Variants in GRIP1 observed in about 807,000 individuals in gnomAD.
GRIP1 encodes the protein glutamate receptor-interacting protein 1.
A neutral mutation model predicts 129.9 loss-of-function variants in GRIP1; 45 were observed. That is an observed-to-expected ratio of 0.35 (90% confidence interval 0.27 to 0.44). GRIP1 has a LOEUF of 0.44. Among genes scored for constraint, GRIP1 ranks in the 20% least tolerant of loss-of-function variants. The pLI is 1.00. For synonymous variants in GRIP1, 530 were observed against 520.8 expected, an observed-to-expected ratio of 1.02 and a Z score of -0.24; for missense variants, 1,196 against 1,396.8, an observed-to-expected ratio of 0.86 and a Z score of 2.29.
At chr12:66,968,978 T>C (rs755500441) in intron 1 of GRIP1, among the ~76,000 whole-genome samples, 1 of 152,156 alleles carries the variant, frequency 6.6e-6, no homozygotes, top group Admixed American at 6.6e-5. Context: ...ATGTGAAGGA[T>C]AATTTTTATG....
intron 11 of GRIP1, among the ~76,000 whole-genome samples, chr12:66,454,806 G>C (rs988803478): frequency 6.6e-6 from 1 of 152,184 alleles, no homozygotes; most frequent in Non-Finnish European, 1.5e-5. Flanking sequence ...AGTAAGAAGT[G>C]TATGTTAGAT....
chr12:66,379,254 G>T, intron 20 of GRIP1, 26 bp downstream of exon 20: 1 of 1,609,452 alleles, frequency 6.2e-7, no homozygotes, highest in South Asian at 1.1e-5. Flanking sequence ...CATCTTGGAT[G>T]AGGCAGCATT....
rs1028467310 is a variant in GRIP1, at chr12:66,833,760, A to G, written c.58+235290T>C. On this transcript the variant is annotated intron_variant, in intron 1 of 1. Coordinates refer to the GRIP1 transcript ENST00000643019. ...AAACAAGTCACAACATTATTTATCT[A>G]TCTCTTACATTAAAAAAGAAAGTGT... Among the ~76,000 whole-genome samples the G allele has an allele frequency of 2.0e-5, 3 of 152,208 alleles. No homozygotes were observed. The East Asian group carries it at 5.8e-4, about 29-fold the overall frequency.
chr12:66,723,465 A>G (rs2036158569), intron 1 of GRIP1, among the ~76,000 whole-genome samples: 1 of 151,382 alleles, frequency 6.6e-6, no homozygotes, highest in Admixed American at 6.6e-5. Context: ...GGCGTGCGCC[A>G]CCATGCCCAA....
chr12:66,922,968 AT>A (rs760027907), intron 1 of GRIP1, among the ~76,000 whole-genome samples: 3 of 152,246 alleles, frequency 2.0e-5, no homozygotes, highest in Non-Finnish European at 4.4e-5. Flanking sequence ...CTAGAAAAAA[AT>A]ATTGATATAT....
intron 1 of GRIP1, among the ~76,000 whole-genome samples, chr12:66,734,106 C>T (rs539005118): frequency 5.6e-4 from 85 of 152,222 alleles, no homozygotes; most frequent in African/African-American, 1.9e-3. Context: ...CGGAATGCTA[C>T]GTATGTTAGG....
intron 1 of GRIP1, among the ~76,000 whole-genome samples, chr12:67,043,128 C>A (rs551238508): frequency 6.6e-6 from 1 of 152,120 alleles, no homozygotes; most frequent in Non-Finnish European, 1.5e-5. Context: ...GGACTGCAGG[C>A]GAGAGTGAGG....
At chr12:66,387,127 T>G (rs2056391836) in intron 19 of GRIP1, among the ~76,000 whole-genome samples, 1 of 152,164 alleles carries the variant, frequency 6.6e-6, no homozygotes, top group African/African-American at 2.4e-5. Flanking sequence ...AAACTACTCT[T>G]TGGTAGACAA....
At chr12:66,374,498 T>C (rs2055690969) in intron 22 of GRIP1, among the ~76,000 whole-genome samples, 1 of 152,204 alleles carries the variant, frequency 6.6e-6, no homozygotes, top group Admixed American at 6.5e-5. Flanking sequence ...CATTTCTATG[T>C]TTAATCTAGT....
chr12:66,502,813 T>G (rs1463893173), intron 7 of GRIP1, among the ~76,000 whole-genome samples: 1 of 152,200 alleles, frequency 6.6e-6, no homozygotes. Context: ...CTCTTCTTTA[T>G]AAATTACCCA....
chr12:66,615,209 T>G (rs1416121313), intron 1 of GRIP1, among the ~76,000 whole-genome samples: 1 of 151,956 alleles, frequency 6.6e-6, no homozygotes, highest in East Asian at 1.9e-4. Context: ...CATATAATGA[T>G]GTACAGAAAT....
At chr12:66,404,550 C>A (rs767985098) in intron 16 of GRIP1, among the ~76,000 whole-genome samples, 2 of 152,080 alleles carry the variant, frequency 1.3e-5, no homozygotes, top group Non-Finnish European at 2.9e-5. Flanking sequence ...TGCTCCTGCT[C>A]CTGCTTGAGT....
At chr12:66,729,342 A>C (rs995561056) in intron 1 of GRIP1, among the ~76,000 whole-genome samples, 1 of 152,218 alleles carries the variant, frequency 6.6e-6, no homozygotes, top group African/African-American at 2.4e-5. Flanking sequence ...TTCCAAATAA[A>C]ATATGTGACT....
At chr12:66,459,637 G>A (rs912468492) in intron 9 of GRIP1, among the ~76,000 whole-genome samples, 2 of 152,190 alleles carry the variant, frequency 1.3e-5, no homozygotes, top group Admixed American at 1.3e-4. Context: ...CATTTACCTT[G>A]ACTTTGAATT....
At chr12:66,538,331 C>T (rs1293993275) in intron 4 of GRIP1, among the ~76,000 whole-genome samples, 1 of 151,970 alleles carries the variant, frequency 6.6e-6, no homozygotes, top group East Asian at 1.9e-4. Context: ...TCCCAAGTAG[C>T]TGGGACTACA....
intron 1 of GRIP1, among the ~76,000 whole-genome samples, chr12:67,043,364 TA>T (rs1387606313): frequency 2.0e-5 from 3 of 152,152 alleles, no homozygotes; most frequent in Non-Finnish European, 4.4e-5. Flanking sequence ...CCAGTTTCAT[TA>T]AAACTATAAC....
chr12:66,739,082 C>T (rs1159111863), intron 1 of GRIP1, among the ~76,000 whole-genome samples: 26 of 152,112 alleles, frequency 1.7e-4, no homozygotes. Context: ...CTATAATGTG[C>T]TCTGGTCACG....
chr12:66,707,912 T>C (rs1242360445), intron 1 of GRIP1, among the ~76,000 whole-genome samples: 1 of 152,010 alleles, frequency 6.6e-6, no homozygotes, highest in Non-Finnish European at 1.5e-5. Flanking sequence ...TGTTAAAAAA[T>C]ATAAGAAAGG....
intron 1 of GRIP1, among the ~76,000 whole-genome samples, chr12:66,782,311 A>G (rs942575545): frequency 6.6e-6 from 1 of 152,174 alleles, no homozygotes; most frequent in Non-Finnish European, 1.5e-5. Flanking sequence ...ACAGAAAGCT[A>G]TCTTAAAGAA....
Sources: gnomAD v4.1 joint callset for allele counts (sites outside exome capture counted in the v4.1 genomes callset) on GRCh38, gnomAD v4.1.1 for gene constraint, MANE v1.5 for transcripts, NCBI Gene and HGNC (gene_info 2026-07-23, HGNC 2026-07-21) for gene names.